The following GRIP1 variants were observed in gnomAD, a reference collection of about 807,000 sequenced individuals.
GRIP1 encodes the protein glutamate receptor-interacting protein 1.
In GRIP1, 45 loss-of-function variants were observed where a neutral mutation model predicts 129.9. The ratio of observed to expected loss-of-function variants is 0.35; its 90% confidence interval spans 0.27 to 0.44. GRIP1 has a LOEUF of 0.44. Ranked by LOEUF, GRIP1 falls within the 20% of genes least tolerant of loss-of-function variation. GRIP1 has a pLI of 1.00. For missense variants in GRIP1, 1,196 were observed against 1,396.8 expected, an observed-to-expected ratio of 0.86 and a Z score of 2.29; for synonymous variants, 530 against 520.8, an observed-to-expected ratio of 1.02 and a Z score of -0.24.
intron 13 of GRIP1, among the ~76,000 whole-genome samples, chr12:66,438,566 G>A (rs956070260): frequency 2.7e-5 from 4 of 150,840 alleles, no homozygotes; most frequent in Non-Finnish European, 5.9e-5. Flanking sequence ...CATGTTCTTG[G>A]CTCACTGCAA....
chr12:66,630,167 A>G (rs1269818280), intron 1 of GRIP1: 1 of 152,214 alleles, frequency 6.6e-6, no homozygotes, highest in Non-Finnish European at 1.5e-5. Context: ...CCTGGGCAAC[A>G]TGGTGAAACC....
chr12:66,806,115 A>G (rs2038988300), upstream of GRIP1, among the ~76,000 whole-genome samples: 1 of 152,094 alleles, frequency 6.6e-6, no homozygotes, highest in African/African-American at 2.4e-5. Flanking sequence ...ATATATGACA[A>G]TAATAATACA....
At chr12:66,687,201 C>T (rs1308102041) in intron 1 of GRIP1, among the ~76,000 whole-genome samples, 1 of 152,172 alleles carries the variant, frequency 6.6e-6, no homozygotes, top group Admixed American at 6.5e-5. Context: ...TATATATTAA[C>T]ATAATTATCT....
In GRIP1 at chr12:67,027,483, C is replaced by T. The variant is rs200984117; in HGVS notation, c.58+41567G>A. ...TGTCTAATATGGGCAAAATGCCATGCTAAATACTTAGGCTATAGTGACGTG... is the reference window on the plus strand; with the variant it reads ...TGTCTAATATGGGCAAAATGCCATGTTAAATACTTAGGCTATAGTGACGTG... On this transcript the variant is annotated intron_variant, in intron 1 of 1. Transcript: ENST00000643019. 7.2e-5 allele frequency among the ~76,000 whole-genome samples: 11 copies of T among 152,308 alleles called. No individual in the cohort carries two copies. The East Asian group carries it at 2.1e-3, about 29-fold the overall frequency.
intron 1 of GRIP1, among the ~76,000 whole-genome samples, chr12:66,725,800 T>A (rs1286136606): frequency 1.3e-5 from 2 of 152,204 alleles, no homozygotes; most frequent in Non-Finnish European, 2.9e-5. Context: ...TAAGAAATAC[T>A]TTAATTTCCA....
At chr12:66,558,301 C>T (rs1371715326) in intron 2 of GRIP1, among the ~76,000 whole-genome samples, 2 of 152,126 alleles carry the variant, frequency 1.3e-5, no homozygotes, top group Admixed American at 1.3e-4. Context: ...GCATCTCTTA[C>T]ATGGTGGCAG....
At chr12:66,859,415 A>G (rs543008296) in intron 1 of GRIP1, among the ~76,000 whole-genome samples, 7 of 152,120 alleles carry the variant, frequency 4.6e-5, no homozygotes, top group African/African-American at 1.4e-4. Context: ...CCAACTGCAC[A>G]TGATTCTGCT....
intron 1 of GRIP1, among the ~76,000 whole-genome samples, chr12:66,715,493 A>G (rs1412752248): frequency 7.9e-6 from 1 of 127,342 alleles, no homozygotes; most frequent in East Asian, 2.2e-4. Context: ...AGAGAGAGAG[A>G]GAGAGAGAGA....
At chr12:66,750,504 T>A (rs2037091309) in intron 1 of GRIP1, among the ~76,000 whole-genome samples, 1 of 152,192 alleles carries the variant, frequency 6.6e-6, no homozygotes, top group South Asian at 2.1e-4. Flanking sequence ...TACTTTAGTC[T>A]ACCTGTCAAG....
At chr12:67,012,871 T>C (rs569911844) in intron 1 of GRIP1, among the ~76,000 whole-genome samples, 10 of 152,316 alleles carry the variant, frequency 6.6e-5, no homozygotes, top group African/African-American at 2.2e-4. Context: ...TATAAGGTTC[T>C]GATGGAATGA....
At chr12:66,493,749 A>AT (rs918424951) in intron 7 of GRIP1, among the ~76,000 whole-genome samples, 15 of 152,218 alleles carry the variant, frequency 9.9e-5, no homozygotes, top group African/African-American at 1.4e-4. Context: ...AGATTGTTTC[A>AT]TTTTCAAACT....
chr12:66,899,326 A>G (rs1030901809), intron 1 of GRIP1, among the ~76,000 whole-genome samples: 1 of 149,778 alleles, frequency 6.7e-6, no homozygotes, highest in Non-Finnish European at 1.5e-5. Flanking sequence ...TACTTCCTGT[A>G]GACATCATTG....
intron 2 of GRIP1, among the ~76,000 whole-genome samples, chr12:66,557,930 C>G (rs1369379739): frequency 1.3e-5 from 2 of 151,782 alleles, no homozygotes; most frequent in Non-Finnish European, 2.9e-5. Context: ...GCAAACCAAA[C>G]CCAAAATTAG....
intron 1 of GRIP1, among the ~76,000 whole-genome samples, chr12:66,611,096 A>G (rs975158438): frequency 1.2e-4 from 18 of 152,198 alleles, no homozygotes; most frequent in Admixed American, 1.1e-3. Context: ...AATAAGGGTC[A>G]GATGTTTACT....
chr12:66,737,208 C>T (rs890303132), intron 1 of GRIP1, among the ~76,000 whole-genome samples: 5 of 152,102 alleles, frequency 3.3e-5, no homozygotes, highest in African/African-American at 9.7e-5. Flanking sequence ...GTGACTGACT[C>T]GTTTTTTTCT....
intron 5 of GRIP1, among the ~76,000 whole-genome samples, chr12:66,519,608 G>A (rs1334234278): frequency 6.6e-6 from 1 of 152,176 alleles, no homozygotes; most frequent in Admixed American, 6.5e-5. Flanking sequence ...ACTGTTATTT[G>A]TAATGAACCA....
intron 7 of GRIP1, among the ~76,000 whole-genome samples, chr12:66,504,226 A>C (rs560257907): frequency 6.6e-6 from 1 of 152,328 alleles, no homozygotes; most frequent in South Asian, 2.1e-4. Context: ...CTCTCTTTTT[A>C]GGTGTTGAAA....
chr12:66,893,284 G>C (rs140798854), intron 1 of GRIP1, among the ~76,000 whole-genome samples: 7 of 150,836 alleles, frequency 4.6e-5, no homozygotes, highest in Admixed American at 4.6e-4. Flanking sequence ...AGTCTGCTCT[G>C]TTGCCCAGGC....
At chr12:66,407,532 C>T (rs2057238386) in intron 15 of GRIP1, 1 of 152,314 alleles carries the variant, frequency 6.6e-6, no homozygotes, top group Non-Finnish European at 1.5e-5. Context: ...AAACTGTGCA[C>T]TTGTGGGAGG....
Sources: gnomAD v4.1 joint callset for allele counts (sites outside exome capture counted in the v4.1 genomes callset) on GRCh38, gnomAD v4.1.1 for gene constraint, MANE v1.5 for transcripts, NCBI Gene and HGNC (gene_info 2026-07-23, HGNC 2026-07-21) for gene names.